MGA: variants seen among roughly 807,000 people sequenced by gnomAD.
MGA encodes the protein MAX dimerization protein MGA.
In MGA, 40 loss-of-function variants were observed where a neutral mutation model predicts 261.1. The observed-to-expected ratio is 0.15, with a 90% CI of 0.12 to 0.20. The LOEUF (loss-of-function observed/expected upper bound fraction) is 0.20, where lower values mean the gene tolerates loss of function less well. Ranked by LOEUF, MGA falls within the 10% of genes least tolerant of loss-of-function variation. The pLI, the probability that MGA is intolerant of heterozygous loss-of-function variation, is 1.00. For missense variants in MGA, 3,397 were observed against 3,630.5 expected, an observed-to-expected ratio of 0.94 and a Z score of 1.65; for synonymous variants, 1,302 against 1,290.6, an observed-to-expected ratio of 1.01 and a Z score of -0.19.
intron 2 of MGA, chr15:41,691,670 T>A (rs761625995): frequency 1.9e-6 from 1 of 517,270 alleles, no homozygotes; most frequent in Admixed American, 2.0e-5. Context: ...TCTTCAATTT[T>A]AAAGGCTTCT....
At chr15:41,759,108 A>T (rs1462980743) in intron 19 of MGA, among the ~76,000 whole-genome samples, 1 of 152,172 alleles carries the variant, frequency 6.6e-6, no homozygotes, top group Non-Finnish European at 1.5e-5. Flanking sequence ...GAAAGGCAAG[A>T]TAGATTGTTT....
chr15:41,700,058 T>C (rs1349120566), intron 5 of MGA, among the ~76,000 whole-genome samples: 2 of 145,720 alleles, frequency 1.4e-5, no homozygotes, highest in Admixed American at 6.9e-5. Flanking sequence ...TTTTTTTTTT[T>C]TTTTTTGATG....
At chr15:41,684,444 A>G in intron 2 of MGA, 1 of 437,856 alleles carries the variant, frequency 2.3e-6, no homozygotes, top group South Asian at 1.6e-5. Context: ...CAGAAGAATG[A>G]AACTTAACTG....
At chr15:41,720,680 AAAATT>A (rs959711404) in intron 9 of MGA, among the ~76,000 whole-genome samples, 10 of 152,014 alleles carry the variant, frequency 6.6e-5, no homozygotes, top group Non-Finnish European at 1.2e-4. Context: ...AAAAATACAA[AAAATT>A]AGCCGGGCAT....
intron 1 of MGA, among the ~76,000 whole-genome samples, chr15:41,653,360 C>T (rs1023817735): frequency 1.2e-4 from 18 of 149,908 alleles, no homozygotes; most frequent in Non-Finnish European, 7.4e-5. Context: ...CAGACCGAGA[C>T]TCCATCTCAG....
rs773885999 is a variant in MGA, at chr15:41,749,783, A to G, written c.6176A>G (p.Asp2059Gly). 6.2e-7 allele frequency: 1 copy of G among 1,613,988 alleles called. No homozygotes were observed. The highest frequency in any genetic ancestry group is 1.6e-4 in the Middle Eastern group (1 of 6,062). Residue 2059 changes from aspartate (D) to glycine (G), a missense_variant, in exon 17 of 24, where the codon GAT (aspartate) becomes GGT (glycine). Around this residue, in one of 9 missense-constraint regions of MGA, gnomAD observed 1,410 missense variants for 1,386.4 expected, o/e 1.02. Transcript: ENST00000219905. ...TCCTGTATCACTGGGTCACATACAG[A>G]TCAAGATTATAAAGATGTTAATGAA... is the stretch of plus-strand genomic sequence containing the variant.
In MGA at chr15:41,707,283, A is replaced by G. The variant is rs183878535; in HGVS notation, c.2189-445A>G. ...CCTCTGCTTAGGGTCTCACAAGGCT[A>G]CAGTCAAAATATTGGCCAGGCCTGG... On this transcript the variant is annotated intron_variant, in intron 5 of 23. Coordinates refer to ENST00000219905, the MANE Select transcript of MGA (RefSeq NM_001164273.2). Among the ~76,000 whole-genome samples the G allele has an allele frequency of 5.3e-3, 812 of 152,326 alleles. 5 individuals carry two copies. The highest frequency in any genetic ancestry group is 9.6e-3 in the Non-Finnish European group (656 of 68,030).
In MGA at chr15:41,639,711, A is replaced by AT. The variant is rs920094416; in HGVS notation, c.-68+18423dup. ...AGGCACCTGCCACCACGCCCAGCTAATTTTTTTTTTGTATTGTTAGTAGAG... is the reference window on the plus strand; with the variant it reads ...AGGCACCTGCCACCACGCCCAGCTAATTTTTTTTTTTGTATTGTTAGTAGAG... On this transcript the variant is annotated intron_variant, in intron 1 of 8. Transcript: ENST00000566718. Among the ~76,000 whole-genome samples, 73 of 148,600 alleles carry AT rather than the reference A, an allele frequency of 4.9e-4. 1 individual carries two copies. The East Asian group carries it at 9.6e-3, about 20-fold the overall frequency.
chr15:41,680,803 C>G (rs1240214353), intron 2 of MGA, among the ~76,000 whole-genome samples: 1 of 152,094 alleles, frequency 6.6e-6, no homozygotes, highest in African/African-American at 2.4e-5. Context: ...CTTTGGTATT[C>G]AAAATTTTGG....
At chr15:41,763,281 T>G (rs1269827043) in intron 22 of MGA, among the ~76,000 whole-genome samples, 1 of 151,170 alleles carries the variant, frequency 6.6e-6, no homozygotes, top group African/African-American at 2.4e-5. Context: ...TTTTGTATTT[T>G]TAGTAGAGAC....
chr15:41,626,768 A>G (rs1817188229), intron 1 of MGA, among the ~76,000 whole-genome samples: 1 of 152,202 alleles, frequency 6.6e-6, no homozygotes, highest in African/African-American at 2.4e-5. Context: ...GAAAAATTGC[A>G]GACTACAAAG....
chr15:41,685,190 A>T, intron 2 of MGA, among the ~76,000 whole-genome samples: 1 of 152,212 alleles, frequency 6.6e-6, no homozygotes, highest in East Asian at 1.9e-4. Context: ...GCAGATGGCT[A>T]GGTGCTCTAG....
chr15:41,762,963 T>C (rs919467697), intron 22 of MGA, among the ~76,000 whole-genome samples: 3 of 152,128 alleles, frequency 2.0e-5, no homozygotes, highest in Non-Finnish European at 2.9e-5. Context: ...TTCAGACTTA[T>C]ACTTGACTTC....
intron 1 of MGA, among the ~76,000 whole-genome samples, chr15:41,633,384 T>G (rs756946184): frequency 4.8e-5 from 7 of 144,778 alleles, no homozygotes; most frequent in African/African-American, 7.6e-5. Flanking sequence ...GACAGAGTCT[T>G]GCTCTGTTGC....
chr15:41,705,222 C>T (rs2060046509), intron 5 of MGA, among the ~76,000 whole-genome samples: 1 of 152,178 alleles, frequency 6.6e-6, no homozygotes, highest in Non-Finnish European at 1.5e-5. Context: ...ACCTCAACCT[C>T]CCAAAGTGCT....
intron 10 of MGA, among the ~76,000 whole-genome samples, chr15:41,728,015 T>G (rs904642409): frequency 2.6e-5 from 4 of 152,120 alleles, no homozygotes; most frequent in African/African-American, 9.7e-5. Context: ...AGTATAAAAC[T>G]GTTTCTGGTC....
At chr15:41,659,382 T>C (rs116685168), upstream of MGA, among the ~76,000 whole-genome samples, 2,005 of 152,318 alleles carry the variant, frequency 0.013, 51 homozygotes, top group African/African-American at 0.046. Flanking sequence ...ACATAGCATG[T>C]CACGTAGTAG....
At chr15:41,660,640 C>T (rs1451992530) in intron 1 of MGA, 115 bp downstream of exon 1, 1 of 152,656 alleles carries the variant, frequency 6.6e-6, no homozygotes, top group African/African-American at 2.4e-5. Context: ...GCTGAGAGAG[C>T]TTCGCACGCC....
intron 1 of MGA, among the ~76,000 whole-genome samples, chr15:41,648,470 T>C (rs2150692150): frequency 6.6e-6 from 1 of 152,354 alleles, no homozygotes; most frequent in East Asian, 1.9e-4. Context: ...ATATACATTT[T>C]GGTAAGTACT....
Sources: allele counts gnomAD v4.1 joint callset (sites outside exome capture counted in the v4.1 genomes callset), GRCh38; gene constraint gnomAD v4.1.1; regional missense constraint gnomAD v4.1.1; transcripts MANE v1.5; gene names NCBI Gene and HGNC (gene_info 2026-07-23, HGNC 2026-07-21).